The following KIF1B variants were observed in gnomAD, a reference collection of about 807,000 sequenced individuals.
KIF1B encodes the protein kinesin-like protein KIF1B.
Under a neutral mutation model 241.9 loss-of-function variants are expected in KIF1B, and 76 were observed. The observed-to-expected ratio is 0.31, with a 90% CI of 0.26 to 0.38. The LOEUF (loss-of-function observed/expected upper bound fraction) is 0.38. KIF1B is among the 10% of genes least tolerant of loss of function. The pLI is 1.00. For synonymous variants in KIF1B, 750 were observed against 796.7 expected, an observed-to-expected ratio of 0.94 and a Z score of 0.99; for missense variants, 1,622 against 2,271.4, an observed-to-expected ratio of 0.71 and a Z score of 5.81.
chr1:10,310,468 C>T (rs1651018724), intron 22 of KIF1B, among the ~76,000 whole-genome samples: 1 of 151,540 alleles, frequency 6.6e-6, no homozygotes, highest in Non-Finnish European at 1.5e-5. Context: ...CTGTTCAACT[C>T]TATTGTTGTA....
chr1:10,327,038 T>TTG (rs1345175893), intron 27 of KIF1B, among the ~76,000 whole-genome samples: 1 of 152,148 alleles, frequency 6.6e-6, no homozygotes, highest in African/African-American at 2.4e-5. Context: ...AAATCATCTA[T>TTG]TGACCCCATC....
intron 22 of KIF1B, chr1:10,298,828 T>C (rs1650395936): frequency 6.6e-6 from 1 of 152,092 alleles, no homozygotes; most frequent in African/African-American, 2.4e-5. Context: ...TGCATATGTA[T>C]AAGTAAAATA....
In KIF1B at chr1:10,378,752, C is replaced by T. The variant is rs1400756678; in HGVS notation, c.*2165C>T. 2.1e-5 allele frequency: 7 copies of T among 330,310 alleles called. No homozygotes were observed. In the Admixed American group the frequency reaches 3.1e-4, roughly 15 times the overall value. 20.5% of individuals were successfully genotyped at this position (330,310 alleles called of 1,614,324 possible). On this transcript the variant is annotated 3_prime_UTR_variant, in exon 49 of 49. Transcript: ENST00000676179. Reference sequence around the variant, plus strand: ...CATCTCTGAAGAACAGGTCTCCCAGCTTCGCTCCTTATCACTGCATTGTGA... The same window carrying T: ...CATCTCTGAAGAACAGGTCTCCCAGTTTCGCTCCTTATCACTGCATTGTGA...
At position 10,365,955 on chromosome 1, in the gene KIF1B, G is replaced by T. The variant is rs770124088; in HGVS notation, c.4752+307G>T. On this transcript the variant is annotated intron_variant, in intron 43 of 48. Coordinates refer to ENST00000676179, the MANE Select transcript of KIF1B (RefSeq NM_001365951.3). This position sits in a 1 kb window ranked among gnomAD's most constrained non-coding sequence, Gnocchi z 4.0. The stretch of plus-strand genomic sequence containing the variant: ...TCTACAAAAACAAAAATTAGGCCAG[G>T]CATGGTGGCTCACACCTGTAATCCC... 6.6e-6 allele frequency among the ~76,000 whole-genome samples: 1 copy of T among 152,166 alleles called. No homozygotes were observed. The highest frequency in any genetic ancestry group is 1.5e-5 in the Non-Finnish European group (1 of 68,024).
Position 10,303,007 on chromosome 1 carries a change from G to GT in KIF1B, c.2115+5769dup, listed in dbSNP as rs1004120665. 4.6e-5 allele frequency among the ~76,000 whole-genome samples: 7 copies of GT among 151,460 alleles called. No homozygotes were observed. Among genetic ancestry groups the GT allele is most frequent in the Non-Finnish European group, 5.9e-5 (4 of 67,842 alleles). On this transcript the variant is annotated intron_variant, in intron 22 of 48. Coordinates refer to ENST00000676179, the MANE Select transcript of KIF1B (RefSeq NM_001365951.3). This position sits in a 1 kb window ranked among gnomAD's most constrained non-coding sequence, Gnocchi z 5.2. Reference sequence around the variant, plus strand: ...TAATAGACTTCCACATTATTGAGGGGTTTTTTTTGGTTTTGTTTTGTTTTT... The same window carrying GT: ...TAATAGACTTCCACATTATTGAGGGGTTTTTTTTTGGTTTTGTTTTGTTTTT...
rs764780179 is a variant in KIF1B at position 10,273,727 on chromosome 1, AAAAAAAAAAAAAC to A, written c.882+697_882+709del. ...TCCTCCTCAAAAAAAAAAAAAAAAA[AAAAAAAAAAAAAC>A]CCAACAAACACCACAAGACTAGCCA... is the stretch of plus-strand genomic sequence containing the variant. On this transcript the variant is annotated intron_variant, in intron 10 of 48. Coordinates refer to ENST00000676179, the MANE Select transcript of KIF1B (RefSeq NM_001365951.3). Among the ~76,000 whole-genome samples, 348 of 89,754 alleles carry A rather than the reference AAAAAAAAAAAAAC, an allele frequency of 3.9e-3. 4 individuals carry two copies. Among genetic ancestry groups the A allele is most frequent in the Admixed American group, 7.6e-3 (56 of 7,324 alleles). The allele number at this position is 89,754 out of a possible 152,430, so 58.9% of individuals were successfully genotyped here.
intron 1 of KIF1B, among the ~76,000 whole-genome samples, chr1:10,216,981 T>C (rs927639006): frequency 4.6e-5 from 4 of 87,490 alleles, no homozygotes; most frequent in Admixed American, 2.2e-4. Flanking sequence ...TTTTTTTTTT[T>C]TTTTTTTTTT....
In KIF1B at chr1:10,306,023, G is replaced by A. The variant is rs1295295247; in HGVS notation, c.2115+8777G>A. On this transcript the variant is annotated intron_variant, in intron 22 of 48. Coordinates refer to ENST00000676179, the MANE Select transcript of KIF1B (RefSeq NM_001365951.3). ...AGCATTCAAGGAAGCCTTAAAGATT[G>A]TGATTATGTTTTTTTTTCCTTTGCG... 4.8e-6 allele frequency: 5 copies of A among 1,049,722 alleles called. No individual in the cohort carries two copies. In the Admixed American group the frequency reaches 1.6e-4, roughly 35 times the overall value. 65.0% of individuals were successfully genotyped at this position (1,049,722 alleles called of 1,614,324 possible).
chr1:10,267,322 C>T, intron 5 of KIF1B, 58 bp from the exon 6 acceptor site: 1 of 1,538,926 alleles, frequency 6.5e-7, no homozygotes, highest in South Asian at 1.1e-5. Flanking sequence ...GCCACCGCGC[C>T]CGGCTTCTGT....
At chr1:10,368,688 G>C in intron 44 of KIF1B, 150 bp downstream of exon 44, 1 of 710,778 alleles carries the variant, frequency 1.4e-6, no homozygotes, top group Non-Finnish European at 2.5e-6. Flanking sequence ...TACTGCTCTG[G>C]TATTCATTCT....
At chr1:10,352,349 C>T (rs996593522) in intron 37 of KIF1B, among the ~76,000 whole-genome samples, 1 of 152,130 alleles carries the variant, frequency 6.6e-6, no homozygotes, top group African/African-American at 2.4e-5. Context: ...TTGCAGGTTC[C>T]AGACCAGAGA....
intron 27 of KIF1B, among the ~76,000 whole-genome samples, chr1:10,328,467 G>A (rs914473185): frequency 2.0e-5 from 3 of 152,138 alleles, no homozygotes; most frequent in Non-Finnish European, 4.4e-5. Flanking sequence ...CTGGCATATC[G>A]CCATGAATAG....
Position 10,294,562 on chromosome 1 carries a change from C to A in KIF1B, c.1591-524C>A, listed in dbSNP as rs544286147. ...AAAATTAGGTCTTGTTTTTTTATCCCAGAACTCATGTTTTAAAATGGAATG... is the reference window on the plus strand; with the variant it reads ...AAAATTAGGTCTTGTTTTTTTATCCAAGAACTCATGTTTTAAAATGGAATG... On this transcript the variant is annotated intron_variant, in intron 17 of 48. Transcript: ENST00000676179. 4.5e-4 allele frequency among the ~76,000 whole-genome samples: 68 copies of A among 151,992 alleles called. 1 individual carries two copies. The highest frequency in any genetic ancestry group is 1.4e-3 in the African/African-American group (58 of 41,458).
At chr1:10,249,791 C>T (rs1647338825) in intron 2 of KIF1B, among the ~76,000 whole-genome samples, 1 of 152,090 alleles carries the variant, frequency 6.6e-6, no homozygotes, top group South Asian at 2.1e-4. Context: ...TGGTCCCAGT[C>T]ACTCAGGAGG....
rs2102181683 is a variant in KIF1B, at chr1:10,256,257, C to T, written c.117C>T (p.Asn39=). The change falls in exon 3 of 49, where the codon AAC becomes AAT. Residue 39 remains asparagine, a synonymous_variant. Transcript: ENST00000676179. The part of the protein sequence containing the change: ...QMQGNSTSII[N]PKNPKEAPKS... ...ATTTTTATCTTCTAGGTATTATTAACCCAAAGAATCCAAAGGAAGCTCCAA... is the reference window on the plus strand; with the variant it reads ...ATTTTTATCTTCTAGGTATTATTAATCCAAAGAATCCAAAGGAAGCTCCAA... The T allele has an allele frequency of 6.2e-7, 1 of 1,605,742 alleles. No individual in the cohort carries two copies. The highest frequency in any genetic ancestry group is 8.5e-7 in the Non-Finnish European group (1 of 1,172,464).
chr1:10,304,867 A>G (rs1650750662), intron 22 of KIF1B: 16 of 1,399,488 alleles, frequency 1.1e-5, no homozygotes, highest in South Asian at 9.7e-5. Flanking sequence ...ATAAAGCATC[A>G]AGAACTCCTT....
chr1:10,270,698 G>A (rs961816914), intron 7 of KIF1B, among the ~76,000 whole-genome samples: 1 of 152,100 alleles, frequency 6.6e-6, no homozygotes, highest in South Asian at 2.1e-4. Flanking sequence ...GCTGAGGCGG[G>A]TGGATCACAA....
chr1:10,230,723 A>G (rs1405971525), intron 1 of KIF1B: 1 of 152,096 alleles, frequency 6.6e-6, no homozygotes, highest in Non-Finnish European at 1.5e-5. Context: ...GGCGTGAGCC[A>G]CCGCACGCGG....
rs141224290 is a variant in KIF1B at position 10,343,234 on chromosome 1, C to T, written c.3635C>T (p.Pro1212Leu). The T allele has an allele frequency of 5.4e-4, 874 of 1,614,050 alleles. 4 individuals carry two copies. In the African/African-American group the frequency reaches 9.7e-3, roughly 18 times the overall value. Residue 1212 changes from proline (P) to leucine (L), a missense_variant and splice_region_variant, in exon 34 of 49, where the codon CCG (proline) becomes CTG (leucine). Pro to Leu is a moderately conservative substitution (Grantham distance 98, BLOSUM62 -3). Around this residue, in one of 7 missense-constraint regions of KIF1B, gnomAD observed 803 missense variants for 1,112.0 expected, o/e 0.72. Transcript: ENST00000676179. Reference protein sequence around the residue: ...LHLQGQELNSPPQPCRRFFPP... With the variant: ...LHLQGQELNSLPQPCRRFFPP... ...TCTTTGTCTTCCTTTCTTTGCAGTCCGCCTCAGCCGTGCCGCCGATTCTTC... is the reference window on the plus strand; with the variant it reads ...TCTTTGTCTTCCTTTCTTTGCAGTCTGCCTCAGCCGTGCCGCCGATTCTTC...
Sources: allele counts gnomAD v4.1 joint callset (sites outside exome capture counted in the v4.1 genomes callset), GRCh38; gene constraint gnomAD v4.1.1; regional missense constraint gnomAD v4.1.1; non-coding constraint Gnocchi (gnomAD v3.1); transcripts MANE v1.5; gene names NCBI Gene and HGNC (gene_info 2026-07-23, HGNC 2026-07-21).